TIPRL: variants seen among roughly 807,000 people sequenced by gnomAD.
TIPRL encodes TIP41-like protein.
In TIPRL, 10 loss-of-function variants were observed where a neutral mutation model predicts 32.3. The observed-to-expected ratio is 0.31, with a 90% CI of 0.19 to 0.52. The LOEUF (loss-of-function observed/expected upper bound fraction) is 0.52. Among genes scored for constraint, TIPRL ranks in the 20% least tolerant of loss-of-function variants. The pLI, the probability that TIPRL is intolerant of heterozygous loss-of-function variation, is 0.96. For missense variants in TIPRL, 250 were observed against 328.1 expected (o/e 0.76, Z 1.84); for synonymous variants, 100 against 114.0 (o/e 0.88, Z 0.78).
chr1:168,183,816 T>A, intron 1 of TIPRL, 86 bp from the exon 2 acceptor site: 1 of 1,380,954 alleles, frequency 7.2e-7, no homozygotes, highest in Non-Finnish European at 1.0e-6. Flanking sequence ...ATTCAGCAAG[T>A]AGGAAGAATT....
At chr1:168,192,240 C>T (rs1054961313) in intron 4 of TIPRL, 7 of 1,436,648 alleles carry the variant, frequency 4.9e-6, no homozygotes, top group Admixed American at 2.4e-5. Context: ...CCCAGCTACT[C>T]GGGAGGCTGA....
chr1:168,184,952 G>A (rs1251000397), intron 3 of TIPRL, 74 bp downstream of exon 3: 9 of 945,602 alleles, frequency 9.5e-6, no homozygotes, highest in African/African-American at 5.1e-5. Context: ...TTCTAGTAAC[G>A]GGTTATTTTT....
At position 168,201,697 on chromosome 1, in the gene TIPRL, G is replaced by C. The variant is rs1334588540; in HGVS notation, c.*1651G>C. 1 of 150,898 alleles carries C rather than the reference G, an allele frequency of 6.6e-6. No individual in the cohort carries two copies. Among genetic ancestry groups the C allele is most frequent in the Non-Finnish European group, 1.5e-5 (1 of 67,740 alleles). The allele number at this position is 150,898 out of a possible 1,614,324, so 9.3% of individuals were successfully genotyped here. A position where few individuals can be genotyped will look rare whatever the true frequency, so the allele number is the denominator to read the frequency against. ...TGCCATTGAGATTAGAATAGAACAGGCTCTATTCATGCAAACTATATGAAA... is the reference window on the plus strand; with the variant it reads ...TGCCATTGAGATTAGAATAGAACAGCCTCTATTCATGCAAACTATATGAAA... On this transcript the variant is annotated 3_prime_UTR_variant, in exon 7 of 7. Transcript: ENST00000367833.
At chr1:168,185,745 G>A (rs1700018755) in intron 3 of TIPRL, among the ~76,000 whole-genome samples, 1 of 145,928 alleles carries the variant, frequency 6.9e-6, no homozygotes, top group Non-Finnish European at 1.5e-5. Flanking sequence ...ACTCCAGCCT[G>A]GGTGACAGAG....
intron 3 of TIPRL, among the ~76,000 whole-genome samples, chr1:168,189,165 C>T (rs1380971141): frequency 1.3e-5 from 2 of 152,328 alleles, no homozygotes; most frequent in African/African-American, 4.8e-5. Flanking sequence ...AGGGCAAAAG[C>T]CAGCCAAGTA....
At chr1:168,183,086 T>C (rs913148422) in intron 1 of TIPRL, among the ~76,000 whole-genome samples, 1 of 151,934 alleles carries the variant, frequency 6.6e-6, no homozygotes, top group African/African-American at 2.4e-5. Flanking sequence ...GTGTGTCCAG[T>C]TTTTTTCTTA....
In TIPRL at chr1:168,198,950, C is replaced by T. The variant is rs752492412; in HGVS notation, c.644C>T (p.Thr215Met). The T allele has an allele frequency of 2.0e-5, 32 of 1,611,852 alleles. No homozygotes were observed. The highest frequency in any genetic ancestry group is 2.4e-5 in the Non-Finnish European group (28 of 1,178,822). Residue 215 changes from threonine to methionine, a missense_variant, in exon 6 of 7, where the codon ACG becomes ATG. Transcript: ENST00000367833. ...AAGACCTACATGTTACGAGAATATA[C>T]GTCACGAGAAAGCAAAATTTCTAGT... Reference protein sequence around the residue: ...ADKTYMLREYTSRESKISSLM... With the variant: ...ADKTYMLREYMSRESKISSLM...
chr1:168,199,560 A>T (rs1700188813), intron 6 of TIPRL, among the ~76,000 whole-genome samples: 1 of 152,176 alleles, frequency 6.6e-6, no homozygotes, highest in African/African-American at 2.4e-5. Flanking sequence ...AAAAGTTACT[A>T]CTTAGATTCT....
rs1208117113 is a variant in TIPRL, at chr1:168,178,968, A to G, written c.-110A>G. The G allele has an allele frequency of 3.2e-6, 3 of 951,566 alleles. No individual in the cohort carries two copies. Among genetic ancestry groups the G allele is most frequent in the African/African-American group, 3.4e-5 (2 of 59,642 alleles). 58.9% of individuals were successfully genotyped at this position (951,566 alleles called of 1,614,324 possible). Reference sequence around the variant, plus strand: ...GCAGGGGGCGGGGCCGGGCATGGTAACGGCTCGGAAGCCTAGGAGGCTGGG... The same window carrying G: ...GCAGGGGGCGGGGCCGGGCATGGTAGCGGCTCGGAAGCCTAGGAGGCTGGG... On this transcript the variant is annotated 5_prime_UTR_variant, in exon 1 of 7. Coordinates refer to ENST00000367833, the MANE Select transcript of TIPRL (RefSeq NM_152902.5).
At chr1:168,195,668 G>T (rs1360413930) in intron 4 of TIPRL, among the ~76,000 whole-genome samples, 2 of 151,996 alleles carry the variant, frequency 1.3e-5, no homozygotes, top group Admixed American at 6.6e-5. Flanking sequence ...TATCTCCCAG[G>T]CCCAAGCCAT....
At position 168,179,077 on chromosome 1, in the gene TIPRL, C is replaced by T. The variant is rs1459172713; in HGVS notation, c.-1C>T. ...TGGCCTCTGCGGGTCCTGCCTCAGC[C>T]ATGATGATCCACGGCTTCCAGAGCA... On this transcript the variant is annotated 5_prime_UTR_variant, in exon 1 of 7. Transcript: ENST00000367833. 6.2e-7 allele frequency: 1 copy of T among 1,613,738 alleles called. No homozygotes were observed. Among genetic ancestry groups the T allele is most frequent in the Admixed American group, 1.7e-5 (1 of 59,992 alleles).
Position 168,196,627 on chromosome 1 carries a change from G to A in TIPRL, c.597G>A (p.Thr199=), listed in dbSNP as rs780995909. 25 of 1,597,808 alleles carry A rather than the reference G, an allele frequency of 1.6e-5. No homozygotes were observed. Among genetic ancestry groups the A allele is most frequent in the African/African-American group, 2.7e-5 (2 of 74,198 alleles). ...GGGTGCTTATCAGAATGAATGACAC[G>A]AGACTTTACCATGAGGTATTTATTG... is the stretch of plus-strand genomic sequence containing the variant. ...IDGVLIRMND[T]RLYHEADKTY... The change falls in exon 5 of 7, where the codon ACG becomes ACA. Residue 199 remains threonine (T), a synonymous_variant. Transcript: ENST00000367833.
In TIPRL at chr1:168,183,540, A is replaced by G. The variant is rs1002408198; in HGVS notation, c.105-362A>G. ...AAACTTTTAACAATTGAGAATTTTA[A>G]TGGAAAAATTATTTTCCTACAAGAG... On this transcript the variant is annotated intron_variant, in intron 1 of 6. Transcript: ENST00000367833. Among the ~76,000 whole-genome samples, 5 of 152,106 alleles carry G rather than the reference A, an allele frequency of 3.3e-5. No homozygotes were observed. In the South Asian group the frequency reaches 1.0e-3, roughly 32 times the overall value.
intron 5 of TIPRL, 142 bp downstream of exon 5, chr1:168,196,784 ACTGTT>A: frequency 2.1e-6 from 1 of 472,080 alleles, no homozygotes; most frequent in Non-Finnish European, 3.6e-6. Context: ...TTTCACATTC[ACTGTT>A]GACTGCAGGC....
chr1:168,198,930 C>G lies in TIPRL; in HGVS notation c.624C>G (p.Thr208=). 1 of 1,611,460 alleles carries G rather than the reference C, an allele frequency of 6.2e-7. No homozygotes were observed. Among genetic ancestry groups the G allele is most frequent in the Admixed American group, 1.7e-5 (1 of 59,764 alleles). The stretch of plus-strand genomic sequence containing the variant: ...ATTTTTAAATACAGGCTGACAAGAC[C>G]TACATGTTACGAGAATATACGTCAC... ...DTRLYHEADK[T]YMLREYTSRE... The change falls in exon 6 of 7, where the codon ACC becomes ACG. Residue 208 remains threonine, a synonymous_variant. Transcript: ENST00000367833.
rs1037779953 is a variant in TIPRL at position 168,201,164 on chromosome 1, G to A, written c.*1118G>A. The A allele has an allele frequency of 3.3e-5, 5 of 152,092 alleles. No individual in the cohort carries two copies. The highest frequency in any genetic ancestry group is 1.2e-4 in the African/African-American group (5 of 41,430). The allele number at this position is 152,092 out of a possible 1,614,324, so 9.4% of individuals were successfully genotyped here. On this transcript the variant is annotated 3_prime_UTR_variant, in exon 7 of 7. Transcript: ENST00000367833. ...TCTTGTCTGCCTTTCTAGAAAAATG[G>A]TTGTCATAAAGTGGAAAGTGATTAA...
Position 168,187,453 on chromosome 1 carries a change from A to G in TIPRL, c.384+2575A>G, listed in dbSNP as rs560795070. On this transcript the variant is annotated intron_variant, in intron 3 of 6. Coordinates refer to ENST00000367833, the MANE Select transcript of TIPRL (RefSeq NM_152902.5). ...AAAAGCATTTGTTCAGTACTCTCCT[A>G]TTGATACTTCAGCCTATAATGTGAT... Among the ~76,000 whole-genome samples, 47 of 152,338 alleles carry G rather than the reference A, an allele frequency of 3.1e-4. No homozygotes were observed. In the Middle Eastern group the frequency reaches 0.014, roughly 44 times the overall value.
intron 3 of TIPRL, among the ~76,000 whole-genome samples, chr1:168,188,958 G>A (rs576323108): frequency 1.3e-5 from 2 of 148,378 alleles, no homozygotes; most frequent in African/African-American, 5.1e-5. Context: ...TCCAGCCTGG[G>A]CAACAGAGCG....
chr1:168,195,904 C>G (rs1316677458), intron 4 of TIPRL, among the ~76,000 whole-genome samples: 2 of 152,116 alleles, frequency 1.3e-5, no homozygotes, highest in Admixed American at 6.6e-5. Context: ...CCAAATACCT[C>G]ACATTCCATT....
Sources: allele counts gnomAD v4.1 joint callset (sites outside exome capture counted in the v4.1 genomes callset), GRCh38; gene constraint gnomAD v4.1.1; transcripts MANE v1.5; gene names NCBI Gene and HGNC (gene_info 2026-07-23, HGNC 2026-07-21).